The following LDB2 variants were observed in gnomAD, a reference collection of about 807,000 sequenced individuals.
The protein encoded by LDB2 is LIM domain binding 2.
LDB2 carries 12 observed loss-of-function variants against 44.3 expected under a neutral mutation model. That is an observed-to-expected ratio of 0.27 (90% CI 0.17 to 0.44). The LOEUF (loss-of-function observed/expected upper bound fraction) is 0.44, where lower values mean the gene tolerates loss of function less well. Ranked by LOEUF, LDB2 falls within the 20% of genes least tolerant of loss-of-function variation. The probability of loss-of-function intolerance (pLI) is 1.00; values close to 1 mark genes in which losing one functional copy is unlikely to be tolerated. For synonymous variants in LDB2, 164 were observed against 174.8 expected, an observed-to-expected ratio of 0.94 and a Z score of 0.49; for missense variants, 344 against 473.5, an observed-to-expected ratio of 0.73 and a Z score of 2.54.
At position 16,563,429 on chromosome 4, in the gene LDB2, A is replaced by ATTTTTTTTTT. The variant is rs1169491759; in HGVS notation, c.615+22483_615+22492dup. On this transcript the variant is annotated intron_variant, in intron 5 of 7. Coordinates refer to ENST00000304523, the MANE Select transcript of LDB2 (RefSeq NM_001290.5). ...TCAAAACCATCTCATCAGTCATCAG[A>ATTTTTTTTTT]TTTTTTTTTTTTTTTTTTTTTTTTT... 1.7e-4 allele frequency among the ~76,000 whole-genome samples: 8 copies of ATTTTTTTTTT among 46,576 alleles called. 3 individuals carry two copies. Among genetic ancestry groups the ATTTTTTTTTT allele is most frequent in the African/African-American group, 5.2e-4 (6 of 11,520 alleles). 30.6% of individuals were successfully genotyped at this position (46,576 alleles called of 152,430 possible). A position where few individuals can be genotyped will look rare whatever the true frequency, so the allele number is the denominator to read the frequency against.
chr4:16,546,350 C>T (rs555279500), intron 5 of LDB2, among the ~76,000 whole-genome samples: 4 of 152,218 alleles, frequency 2.6e-5, no homozygotes, highest in Middle Eastern at 3.4e-3. Flanking sequence ...CCCCCTACCA[C>T]GTAAAACTAA....
intron 1 of LDB2, among the ~76,000 whole-genome samples, chr4:16,784,818 G>A (rs1774041127): frequency 6.6e-6 from 1 of 152,064 alleles, no homozygotes; most frequent in African/African-American, 2.4e-5. Flanking sequence ...TATGCACTCT[G>A]CATCTGGTTT....
At chr4:16,599,633 A>C (rs950247562) in intron 2 of LDB2, among the ~76,000 whole-genome samples, 8 of 152,144 alleles carry the variant, frequency 5.3e-5, no homozygotes, top group African/African-American at 1.9e-4. Context: ...AGCAATAAAA[A>C]ATACAAGAAA....
chr4:16,675,877 A>C (rs1472873280), intron 2 of LDB2, among the ~76,000 whole-genome samples: 1 of 152,158 alleles, frequency 6.6e-6, no homozygotes, highest in Non-Finnish European at 1.5e-5. Context: ...AGATTTCTCC[A>C]TTTCTTTATT....
At chr4:16,665,823 A>AGGCC (rs1742995275) in intron 2 of LDB2, among the ~76,000 whole-genome samples, 1 of 152,228 alleles carries the variant, frequency 6.6e-6, no homozygotes, top group Non-Finnish European at 1.5e-5. Context: ...GGACTGGGGC[A>AGGCC]GGCCCTAAAT....
At chr4:16,855,375 C>G (rs1789151382) in intron 1 of LDB2, among the ~76,000 whole-genome samples, 1 of 152,104 alleles carries the variant, frequency 6.6e-6, no homozygotes, top group African/African-American at 2.4e-5. Flanking sequence ...AATTATATCT[C>G]TACCATCGAG....
At chr4:16,813,201 G>T (rs935297386) in intron 1 of LDB2, among the ~76,000 whole-genome samples, 2 of 152,096 alleles carry the variant, frequency 1.3e-5, no homozygotes, top group African/African-American at 4.8e-5. Flanking sequence ...GGTCAGTCTG[G>T]TCTAGAACTC....
chr4:16,634,532 C>T (rs1421239062), intron 2 of LDB2, among the ~76,000 whole-genome samples: 1 of 152,118 alleles, frequency 6.6e-6, no homozygotes, highest in Non-Finnish European at 1.5e-5. Flanking sequence ...AGCCAACAGA[C>T]ACATGAAAAA....
chr4:16,616,743 C>G (rs1464173775), intron 2 of LDB2, among the ~76,000 whole-genome samples: 1 of 152,076 alleles, frequency 6.6e-6, no homozygotes, highest in Non-Finnish European at 1.5e-5. Context: ...AGCTAGGAGA[C>G]CAGGGACATA....
chr4:16,807,758 T>C (rs1779054366), intron 1 of LDB2, among the ~76,000 whole-genome samples: 1 of 152,178 alleles, frequency 6.6e-6, no homozygotes, highest in Non-Finnish European at 1.5e-5. Flanking sequence ...ACACAAAAGA[T>C]CAACTTTCTC....
chr4:16,558,614 G>C (rs904973668), intron 5 of LDB2, among the ~76,000 whole-genome samples: 3 of 152,170 alleles, frequency 2.0e-5, no homozygotes, highest in African/African-American at 7.2e-5. Context: ...GGGGAGAATG[G>C]AACCAAGTTG....
intron 1 of LDB2, among the ~76,000 whole-genome samples, chr4:16,835,324 C>T (rs977907113): frequency 9.9e-5 from 15 of 152,152 alleles, no homozygotes; most frequent in East Asian, 1.9e-4. Context: ...CCCAATGTTG[C>T]GGTCAATTAC....
intron 1 of LDB2, among the ~76,000 whole-genome samples, chr4:16,824,351 C>T (rs138912484): frequency 9.2e-5 from 14 of 152,276 alleles, no homozygotes; most frequent in East Asian, 7.7e-4. Context: ...GCCACCCACA[C>T]GCCTTGGCCA....
chr4:16,548,171 G>A (rs769209923), intron 5 of LDB2, among the ~76,000 whole-genome samples: 11 of 152,006 alleles, frequency 7.2e-5, no homozygotes, highest in Non-Finnish European at 1.5e-4. Flanking sequence ...GCGAGTCCTT[G>A]TCCTCATCTG....
At chr4:16,547,737 T>A (rs1736258223) in intron 5 of LDB2, among the ~76,000 whole-genome samples, 1 of 152,186 alleles carries the variant, frequency 6.6e-6, no homozygotes, top group Admixed American at 6.5e-5. Context: ...CCTAGATGTT[T>A]GGACTTGAAT....
At chr4:16,815,755 T>C (rs1780776974) in intron 1 of LDB2, among the ~76,000 whole-genome samples, 1 of 152,210 alleles carries the variant, frequency 6.6e-6, no homozygotes, top group Non-Finnish European at 1.5e-5. Context: ...GATGACAAAG[T>C]TGTGACTGTA....
At chr4:16,724,583 A>G (rs2645255) in intron 2 of LDB2, among the ~76,000 whole-genome samples, 59,192 of 151,656 alleles carry the variant, frequency 0.39, 11,776 homozygotes, top group Admixed American at 0.43. Flanking sequence ...TGGTAAATCT[A>G]TAGTATCAAG....
At chr4:16,545,890 G>T (rs72619114) in intron 5 of LDB2, among the ~76,000 whole-genome samples, 12,914 of 152,186 alleles carry the variant, frequency 0.085, 987 homozygotes, top group East Asian at 0.44. Flanking sequence ...GACCACAAGA[G>T]TTAGGCCCCG....
intron 2 of LDB2, among the ~76,000 whole-genome samples, chr4:16,716,999 T>A (rs944285756): frequency 1.3e-5 from 2 of 152,004 alleles, no homozygotes; most frequent in Admixed American, 6.6e-5. Context: ...TGCTAATAAG[T>A]AATGGTGCAG....
Sources: gnomAD v4.1 joint callset for allele counts (sites outside exome capture counted in the v4.1 genomes callset) on GRCh38, gnomAD v4.1.1 for gene constraint, MANE v1.5 for transcripts, NCBI Gene and HGNC (gene_info 2026-07-23, HGNC 2026-07-21) for gene names.